MYO1E: variants seen among roughly 807,000 people sequenced by gnomAD.
The protein encoded by MYO1E is unconventional myosin-Ie.
MYO1E carries 68 observed loss-of-function variants against 151.1 expected under a neutral mutation model. That is an observed-to-expected ratio of 0.45 (90% CI 0.37 to 0.55). The LOEUF (loss-of-function observed/expected upper bound fraction) is 0.55. Ranked by LOEUF, MYO1E falls within the 20% of genes least tolerant of loss-of-function variation. The pLI is 0.00. For synonymous variants in MYO1E, 601 were observed against 501.7 expected (o/e 1.20, Z -2.64); for missense variants, 1,363 against 1,389.3 (o/e 0.98, Z 0.30).
In MYO1E at chr15:59,248,211, C is replaced by T. The variant is rs554118067; in HGVS notation, c.332+8073G>A. On this transcript the variant is annotated intron_variant, in intron 4 of 27. Coordinates refer to ENST00000288235, the MANE Select transcript of MYO1E (RefSeq NM_004998.4). ...AAAATTAGCATCTATAGGCCGGGTGCGGTGGCTCATAACTGTAATCCTAGC... is the reference window on the plus strand; with the variant it reads ...AAAATTAGCATCTATAGGCCGGGTGTGGTGGCTCATAACTGTAATCCTAGC... 6.1e-5 allele frequency among the ~76,000 whole-genome samples: 9 copies of T among 148,322 alleles called. No individual in the cohort carries two copies. In the East Asian group the frequency reaches 1.0e-3, roughly 16 times the overall value.
chr15:59,308,732 G>C (rs975172066), intron 1 of MYO1E, among the ~76,000 whole-genome samples: 1 of 81,372 alleles, frequency 1.2e-5, no homozygotes. Flanking sequence ...CCAGCTACTC[G>C]GGAGGCTGAG....
chr15:59,239,836 T>G (rs971530181), intron 4 of MYO1E, among the ~76,000 whole-genome samples: 2 of 152,208 alleles, frequency 1.3e-5, no homozygotes, highest in African/African-American at 4.8e-5. Flanking sequence ...GGTCAAAATA[T>G]GGTACAATAA....
intron 1 of MYO1E, among the ~76,000 whole-genome samples, chr15:59,308,170 C>G (rs2080526556): frequency 1.4e-5 from 2 of 139,096 alleles, no homozygotes; most frequent in South Asian, 4.6e-4. Flanking sequence ...TTGCAGTAAG[C>G]CAAGATCATG....
chr15:59,216,134 T>C (rs1380125638), intron 10 of MYO1E, among the ~76,000 whole-genome samples: 1 of 152,158 alleles, frequency 6.6e-6, no homozygotes, highest in Non-Finnish European at 1.5e-5. Flanking sequence ...TGGAATCAAA[T>C]ACAGATCTTT....
intron 10 of MYO1E, among the ~76,000 whole-genome samples, 158 bp from the exon 11 acceptor site, chr15:59,214,878 T>C (rs747661912): frequency 3.3e-5 from 5 of 152,146 alleles, no homozygotes; most frequent in Admixed American, 6.5e-5. Context: ...TTTAACAATC[T>C]CTCAGTCCAA....
chr15:59,144,095 G>C (rs2079426762), intron 26 of MYO1E, among the ~76,000 whole-genome samples: 1 of 152,190 alleles, frequency 6.6e-6, no homozygotes, highest in Non-Finnish European at 1.5e-5. Flanking sequence ...GCCAAGCTCT[G>C]CATCTGTAAA....
In MYO1E at chr15:59,236,566, T is replaced by C. The variant is rs755796729; in HGVS notation, c.420+19A>G. ...TTTCCCATAACATAAGGTATCATAA[T>C]GGGCCACTGCCCACTCACCTGGACT... On this transcript the variant is annotated intron_variant, in intron 5 of 27. Transcript: ENST00000288235. 9.1e-5 allele frequency: 144 copies of C among 1,585,046 alleles called. No individual in the cohort carries two copies. Among genetic ancestry groups the C allele is most frequent in the Middle Eastern group, 1.7e-4 (1 of 6,034 alleles).
chr15:59,301,893 A>G (rs1347969995), intron 1 of MYO1E, among the ~76,000 whole-genome samples: 1 of 151,914 alleles, frequency 6.6e-6, no homozygotes, highest in African/African-American at 2.4e-5. Context: ...ACATCAAGAG[A>G]TCATCTGTGA....
At chr15:59,182,450 T>A (rs1360327359) in intron 18 of MYO1E, among the ~76,000 whole-genome samples, 5 of 152,164 alleles carry the variant, frequency 3.3e-5, no homozygotes, top group African/African-American at 1.2e-4. Flanking sequence ...TGATCTGAGG[T>A]GATCTGCCCA....
chr15:59,325,691 A>G (rs1182673154), intron 1 of MYO1E, among the ~76,000 whole-genome samples: 1 of 152,246 alleles, frequency 6.6e-6, no homozygotes, highest in African/African-American at 2.4e-5. Context: ...TAAATTAGTT[A>G]AGATTAAACC....
At chr15:59,203,197 G>C (rs565149725) in intron 15 of MYO1E, among the ~76,000 whole-genome samples, 2 of 152,280 alleles carry the variant, frequency 1.3e-5, no homozygotes, top group East Asian at 3.9e-4. Context: ...TTTGTTGGGG[G>C]CCGAGGAGGG....
chr15:59,288,173 CTTTCT>C (rs778819727), intron 1 of MYO1E, among the ~76,000 whole-genome samples: 33 of 152,230 alleles, frequency 2.2e-4, no homozygotes, highest in Admixed American at 1.2e-3. Flanking sequence ...TTAAATTAAT[CTTTCT>C]TTTCTTTTCT....
Position 59,242,010 on chromosome 15 carries a change from A to G in MYO1E, c.333-5338T>C, listed in dbSNP as rs1385045383. Among the ~76,000 whole-genome samples the G allele has an allele frequency of 2.0e-5, 3 of 152,236 alleles. No individual in the cohort carries two copies. The East Asian group carries it at 5.8e-4, about 29-fold the overall frequency. On this transcript the variant is annotated intron_variant, in intron 4 of 27. Coordinates refer to ENST00000288235, the MANE Select transcript of MYO1E (RefSeq NM_004998.4). Reference sequence around the variant, plus strand: ...GGAAGCTGGGAGGGGTAGGGAGTGGAGCTGGAAGGCAGTGCAGAGATCCAA... The same window carrying G: ...GGAAGCTGGGAGGGGTAGGGAGTGGGGCTGGAAGGCAGTGCAGAGATCCAA...
At chr15:59,254,951 G>T (rs551520246) in intron 4 of MYO1E, among the ~76,000 whole-genome samples, 2 of 152,010 alleles carry the variant, frequency 1.3e-5, no homozygotes, top group East Asian at 3.9e-4. Flanking sequence ...TCAGCCTCCT[G>T]AGTATCTGGG....
At chr15:59,303,709 G>GC (rs1451369975) in intron 1 of MYO1E, among the ~76,000 whole-genome samples, 1 of 152,136 alleles carries the variant, frequency 6.6e-6, no homozygotes, top group East Asian at 1.9e-4. Flanking sequence ...TCTCGCATTT[G>GC]CCCCTCTCCC....
intron 1 of MYO1E, among the ~76,000 whole-genome samples, chr15:59,320,891 A>G (rs1264315429): frequency 6.6e-6 from 1 of 152,218 alleles, no homozygotes; most frequent in African/African-American, 2.4e-5. Flanking sequence ...AACAAAGTAA[A>G]AAGACAACCT....
chr15:59,190,275 G>A (rs2079725182), intron 17 of MYO1E, among the ~76,000 whole-genome samples: 1 of 152,168 alleles, frequency 6.6e-6, no homozygotes, highest in East Asian at 1.9e-4. Context: ...CAGTAGGGAG[G>A]TAACTCCTCA....
intron 1 of MYO1E, among the ~76,000 whole-genome samples, chr15:59,331,599 G>T (rs968893039): frequency 6.6e-6 from 1 of 152,144 alleles, no homozygotes; most frequent in Non-Finnish European, 1.5e-5. Context: ...TATTACAAAG[G>T]TATGTAGACA....
At chr15:59,278,979 G>A (rs750434872) in intron 1 of MYO1E, among the ~76,000 whole-genome samples, 5 of 152,110 alleles carry the variant, frequency 3.3e-5, no homozygotes, top group Non-Finnish European at 5.9e-5. Context: ...CACTGAGGGG[G>A]TGGCACGTGA....
Sources: allele counts gnomAD v4.1 joint callset (sites outside exome capture counted in the v4.1 genomes callset), GRCh38; gene constraint gnomAD v4.1.1; transcripts MANE v1.5; gene names NCBI Gene and HGNC (gene_info 2026-07-23, HGNC 2026-07-21).